PTK2: variants seen among roughly 807,000 people sequenced by gnomAD.
PTK2 encodes focal adhesion kinase 1.
A neutral mutation model predicts 150.1 loss-of-function variants in PTK2; 45 were observed. That is an observed-to-expected ratio of 0.30 (90% CI 0.24 to 0.38). The LOEUF is 0.38. Ranked by LOEUF, PTK2 falls within the 10% of genes least tolerant of loss-of-function variation. The pLI, the probability that PTK2 is intolerant of heterozygous loss-of-function variation, is 1.00. For missense variants in PTK2, 919 were observed against 1,307.3 expected, an observed-to-expected ratio of 0.70 and a Z score of 4.58; for synonymous variants, 432 against 449.2, an observed-to-expected ratio of 0.96 and a Z score of 0.48.
intron 1 of PTK2, among the ~76,000 whole-genome samples, chr8:140,996,607 T>C (rs968680237): frequency 2.0e-5 from 3 of 152,134 alleles, no homozygotes; most frequent in African/African-American, 7.2e-5. Flanking sequence ...AATCCCAGGG[T>C]CCTTAAGAAC....
chr8:140,741,664 G>A (rs2100055756), intron 20 of PTK2, among the ~76,000 whole-genome samples: 1 of 152,030 alleles, frequency 6.6e-6, no homozygotes, highest in Non-Finnish European at 1.5e-5. Context: ...TAAAATGGTA[G>A]TCATAATTAG....
chr8:140,967,776 T>C (rs746837204), intron 1 of PTK2, among the ~76,000 whole-genome samples: 3 of 152,008 alleles, frequency 2.0e-5, no homozygotes, highest in East Asian at 3.9e-4. Flanking sequence ...CATTTCTTAA[T>C]CCATATCCTA....
At chr8:140,942,627 C>CGTGCGTGT (rs1491585154) in intron 1 of PTK2, among the ~76,000 whole-genome samples, 4 of 55,358 alleles carry the variant, frequency 7.2e-5, no homozygotes, top group East Asian at 5.0e-4. Context: ...TGAGTGCGTG[C>CGTGCGTGT]GTGTGTGTGT....
chr8:140,739,142 G>C (rs371695963), intron 20 of PTK2, 35 bp from the exon 24 acceptor site: 3 of 1,400,674 alleles, frequency 2.1e-6, no homozygotes, highest in African/African-American at 1.5e-5. Flanking sequence ...AATTTTCCTT[G>C]TTATCTGCTT....
intron 22 of PTK2, among the ~76,000 whole-genome samples, chr8:140,730,964 C>CT (rs1404937268): frequency 1.0e-4 from 14 of 137,900 alleles, no homozygotes; most frequent in Non-Finnish European, 1.6e-4. Flanking sequence ...CCCCCCCCCC[C>CT]CTTTTTTTTT....
chr8:140,837,896 T>TA (rs1404760920), intron 7 of PTK2, among the ~76,000 whole-genome samples: 4 of 151,846 alleles, frequency 2.6e-5, no homozygotes, highest in Non-Finnish European at 5.9e-5. Flanking sequence ...CCATCTCTAC[T>TA]AAAAATACAA....
chr8:140,988,718 G>C (rs1322667145), intron 1 of PTK2, among the ~76,000 whole-genome samples: 2 of 98,312 alleles, frequency 2.0e-5, no homozygotes, highest in African/African-American at 8.1e-5. Context: ...TGCAGAGCAA[G>C]ACTCCATCCC....
intron 15 of PTK2, among the ~76,000 whole-genome samples, chr8:140,762,818 T>C (rs149319631): frequency 2.1e-4 from 32 of 152,270 alleles, no homozygotes; most frequent in African/African-American, 7.5e-4. Flanking sequence ...TCTCACTCTG[T>C]TGCCCAGGCC....
chr8:140,923,545 A>C (rs188436653), intron 2 of PTK2, among the ~76,000 whole-genome samples: 25 of 152,358 alleles, frequency 1.6e-4, no homozygotes, highest in Middle Eastern at 3.4e-3. Context: ...TATTAAAGAC[A>C]AACTATGCTT....
chr8:140,696,326 TAC>T (rs1180755797), intron 26 of PTK2, among the ~76,000 whole-genome samples: 1 of 152,112 alleles, frequency 6.6e-6, no homozygotes, highest in East Asian at 1.9e-4. Flanking sequence ...TTAAGGAACT[TAC>T]GTTTTATTAG....
rs568040191 is a variant in PTK2 at position 140,922,556 on chromosome 8, T to C, written c.-33+3105A>G. Among the ~76,000 whole-genome samples the C allele has an allele frequency of 1.1e-4, 16 of 152,262 alleles. 1 individual carries two copies. The South Asian group carries it at 3.1e-3, about 30-fold the overall frequency. The stretch of plus-strand genomic sequence containing the variant: ...CCTGTGAGAACGGACTGGAGTTTAA[T>C]CTGAGCCATCGACTAATGGACTGTA... On this transcript the variant is annotated intron_variant, in intron 2 of 31. Transcript: ENST00000522684.
intron 27 of PTK2, among the ~76,000 whole-genome samples, chr8:140,679,369 T>TAAA (rs2100015808): frequency 6.6e-6 from 1 of 152,048 alleles, no homozygotes; most frequent in Non-Finnish European, 1.5e-5. Context: ...AACTTTCTGG[T>TAAA]TGATACTCGG....
At chr8:140,681,554 G>GA (rs140860166) in intron 27 of PTK2, among the ~76,000 whole-genome samples, 1 of 151,914 alleles carries the variant, frequency 6.6e-6, no homozygotes, top group Non-Finnish European at 1.5e-5. Context: ...GGCAGGGGGG[G>GA]ATCACGAAGT....
chr8:140,846,934 A>C (rs1233263700), intron 5 of PTK2, among the ~76,000 whole-genome samples: 1 of 152,180 alleles, frequency 6.6e-6, no homozygotes, highest in Non-Finnish European at 1.5e-5. Context: ...TTGTGTCGGT[A>C]ATTATGCCTG....
intron 8 of PTK2, among the ~76,000 whole-genome samples, chr8:140,826,009 A>C (rs1231218470): frequency 6.6e-6 from 1 of 152,344 alleles, no homozygotes; most frequent in Admixed American, 6.5e-5. Context: ...AGCTAATCCA[A>C]GTTTCACTAA....
chr8:140,815,602 C>A (rs1209123533), intron 10 of PTK2, among the ~76,000 whole-genome samples: 2 of 152,030 alleles, frequency 1.3e-5, no homozygotes, highest in African/African-American at 4.8e-5. Context: ...GATTCCAATT[C>A]ACCTAATGAA....
At chr8:140,904,485 T>C (rs2100160067) in intron 2 of PTK2, among the ~76,000 whole-genome samples, 1 of 152,206 alleles carries the variant, frequency 6.6e-6, no homozygotes, top group Non-Finnish European at 1.5e-5. Flanking sequence ...CTGCCAAATT[T>C]TGGTATCAAG....
chr8:140,908,441 TACAC>T (rs1441467013), intron 2 of PTK2, among the ~76,000 whole-genome samples: 3 of 152,250 alleles, frequency 2.0e-5, no homozygotes, highest in Non-Finnish European at 4.4e-5. Flanking sequence ...TTAATGTGGC[TACAC>T]TAAATGACAC....
chr8:140,897,941 C>T (rs188370948), intron 2 of PTK2, among the ~76,000 whole-genome samples: 8 of 152,308 alleles, frequency 5.3e-5, no homozygotes, highest in Non-Finnish European at 1.0e-4. Flanking sequence ...TAATTATTCA[C>T]AGAGATCTGC....
Sources: allele counts gnomAD v4.1 joint callset (sites outside exome capture counted in the v4.1 genomes callset), GRCh38; gene constraint gnomAD v4.1.1; transcripts MANE v1.5; gene names NCBI Gene and HGNC (gene_info 2026-07-23, HGNC 2026-07-21).